MCC: variants seen among roughly 807,000 people sequenced by gnomAD.
MCC encodes the protein colorectal mutant cancer protein.
A neutral mutation model predicts 116.2 loss-of-function variants in MCC; 90 were observed. The ratio of observed to expected loss-of-function variants is 0.77; its 90% CI spans 0.65 to 0.92. MCC has a LOEUF of 0.92. Ranked by LOEUF, MCC falls within the 40% of genes least tolerant of loss-of-function variation. The pLI, the probability that MCC is intolerant of heterozygous loss-of-function variation, is 0.00. For synonymous variants in MCC, 578 were observed against 510.5 expected, an observed-to-expected ratio of 1.13 and a Z score of -1.78; for missense variants, 1,516 against 1,312.2, an observed-to-expected ratio of 1.16 and a Z score of -2.40.
intron 3 of MCC, among the ~76,000 whole-genome samples, chr5:113,182,258 G>A (rs144050792): frequency 6.6e-4 from 100 of 152,226 alleles, no homozygotes; most frequent in African/African-American, 2.4e-3. Context: ...AGTATTTACC[G>A]GATGGCCTCT....
chr5:113,114,836 A>G (rs985954685), intron 6 of MCC, among the ~76,000 whole-genome samples: 4 of 152,156 alleles, frequency 2.6e-5, no homozygotes, highest in Non-Finnish European at 4.4e-5. Flanking sequence ...TTTATTGGCA[A>G]TAAAATCCTC....
chr5:113,264,583 G>C (rs1765347271), intron 3 of MCC, among the ~76,000 whole-genome samples: 1 of 152,062 alleles, frequency 6.6e-6, no homozygotes, highest in Admixed American at 6.6e-5. Context: ...TGATACTCTA[G>C]GGGGCTGCAA....
intron 13 of MCC, 31 bp downstream of exon 13, chr5:113,068,049 G>C: frequency 6.4e-7 from 1 of 1,562,804 alleles, no homozygotes; most frequent in Non-Finnish European, 8.8e-7. Flanking sequence ...AGGGAGACAA[G>C]AGGAGGAAGA....
chr5:113,081,531 T>A (rs1337449533), intron 11 of MCC, among the ~76,000 whole-genome samples: 4 of 152,084 alleles, frequency 2.6e-5, no homozygotes, highest in Non-Finnish European at 1.5e-5. Flanking sequence ...CAGCCACAGA[T>A]CCAACTTGTT....
chr5:113,043,477 A>G, intron 17 of MCC, 53 bp downstream of exon 17: 1 of 1,483,762 alleles, frequency 6.7e-7, no homozygotes, highest in East Asian at 2.3e-5. Flanking sequence ...AACTCAGAAC[A>G]AAGTCTCCAT....
At chr5:113,095,398 A>G (rs990402638) in intron 8 of MCC, among the ~76,000 whole-genome samples, 11 of 152,238 alleles carry the variant, frequency 7.2e-5, no homozygotes, top group East Asian at 3.8e-4. Context: ...TAAAAAGGGT[A>G]TAATAATAGT....
chr5:113,387,361 T>C (rs1010103714), intron 1 of MCC, among the ~76,000 whole-genome samples: 2 of 152,210 alleles, frequency 1.3e-5, no homozygotes, highest in Admixed American at 6.5e-5. Context: ...AATATTTTCA[T>C]ATAATATTTT....
intron 4 of MCC, among the ~76,000 whole-genome samples, chr5:113,145,411 A>G (rs1015144721): frequency 4.6e-5 from 7 of 152,136 alleles, no homozygotes; most frequent in Admixed American, 1.3e-4. Context: ...AATTACTGTG[A>G]AACATTTCCA....
At chr5:113,323,085 T>C (rs1268721299) in intron 3 of MCC, 1 of 152,326 alleles carries the variant, frequency 6.6e-6, no homozygotes, top group East Asian at 1.9e-4. Context: ...GCCCACATCA[T>C]GAGGAACTAA....
At chr5:113,374,075 T>G (rs1469976250) in intron 2 of MCC, among the ~76,000 whole-genome samples, 1 of 152,110 alleles carries the variant, frequency 6.6e-6, no homozygotes, top group Non-Finnish European at 1.5e-5. Context: ...TGGCTAATTT[T>G]AGAGATGGGG....
chr5:113,390,992 G>T (rs1769386663), intron 1 of MCC, among the ~76,000 whole-genome samples: 1 of 145,984 alleles, frequency 6.9e-6, no homozygotes, highest in Non-Finnish European at 1.5e-5. Context: ...TTATAATTAG[G>T]TCATAAAAAG....
At chr5:113,222,913 T>C (rs900188436) in intron 3 of MCC, among the ~76,000 whole-genome samples, 5 of 152,136 alleles carry the variant, frequency 3.3e-5, no homozygotes, top group Non-Finnish European at 7.4e-5. Flanking sequence ...GTGGGTATGA[T>C]ACCTGAGCCA....
intron 3 of MCC, among the ~76,000 whole-genome samples, chr5:113,165,580 A>G (rs758869903): frequency 1.3e-5 from 2 of 152,168 alleles, no homozygotes; most frequent in Non-Finnish European, 2.9e-5. Flanking sequence ...CTGCCGTTAC[A>G]GGGACTCTGT....
At chr5:113,094,446 G>GA in intron 8 of MCC, among the ~76,000 whole-genome samples, 1 of 143,214 alleles carries the variant, frequency 7.0e-6, no homozygotes, top group African/African-American at 2.7e-5. Context: ...TTTTGAGACA[G>GA]AATCTCACAC....
chr5:113,488,381 TC>T lies in MCC; in HGVS notation c.33del (p.Ser12AlafsTer50). 3 of 1,449,140 alleles carry T rather than the reference TC, an allele frequency of 2.1e-6. No individual in the cohort carries two copies. Among genetic ancestry groups the T allele is most frequent in the South Asian group, 1.5e-5 (1 of 66,650 alleles). The allele number at this position is 1,449,140 out of a possible 1,614,324, so 89.8% of individuals were successfully genotyped here. A position where few individuals can be genotyped will look rare whatever the true frequency, so the allele number is the denominator to read the frequency against. On this transcript the variant is annotated frameshift_variant, in exon 1 of 19. Transcript: ENST00000408903. LOFTEE classifies it high-confidence loss of function. The stretch of plus-strand genomic sequence containing the variant: ...CCGCCGCCGCCGCCGCTGCTGGAGC[TC>T]CCCGCAGCCGCTGCCGCCGCGGCCG... Reference protein sequence around the residue: MMAAAAAAAAGSSSSGGGGGG... With the variant: MMAAAAAAAAXSSSSGGGGGG...
intron 1 of MCC, among the ~76,000 whole-genome samples, chr5:113,462,743 G>T (rs546391153): frequency 3.3e-5 from 5 of 152,110 alleles, no homozygotes; most frequent in Non-Finnish European, 5.9e-5. Flanking sequence ...CAACATTTTG[G>T]GTTAATTCTA....
intron 3 of MCC, chr5:113,295,061 T>A (rs1213966081): frequency 5.4e-5 from 28 of 519,034 alleles, no homozygotes; most frequent in Non-Finnish European, 6.7e-5. Flanking sequence ...GAGACCGTGC[T>A]GGGAGAGCAG....
chr5:113,370,428 GATA>G (rs1307714442), intron 2 of MCC, among the ~76,000 whole-genome samples: 6 of 152,170 alleles, frequency 3.9e-5, no homozygotes, highest in African/African-American at 1.4e-4. Context: ...CACAAAACTA[GATA>G]ATAAGGAGTA....
At chr5:113,112,372 G>A (rs1255473460) in intron 6 of MCC, among the ~76,000 whole-genome samples, 1 of 152,092 alleles carries the variant, frequency 6.6e-6, no homozygotes, top group Non-Finnish European at 1.5e-5. Flanking sequence ...TCATGATAGT[G>A]AGTTCTCATG....
Sources: allele counts gnomAD v4.1 joint callset (sites outside exome capture counted in the v4.1 genomes callset), GRCh38; gene constraint gnomAD v4.1.1; transcripts MANE v1.5; gene names NCBI Gene and HGNC (gene_info 2026-07-23, HGNC 2026-07-21).